Variants in TULP4 observed in about 807,000 individuals in gnomAD.
TULP4 encodes TUB like protein 4, also known as tubby-related protein 4.
A neutral mutation model predicts 129.0 loss-of-function variants in TULP4; 16 were observed. That is an observed-to-expected ratio of 0.12 (90% CI 0.08 to 0.19). TULP4 has a LOEUF of 0.19. TULP4 is among the 10% of genes least tolerant of loss of function. TULP4 has a pLI of 1.00. For missense variants in TULP4, 1,842 were observed against 2,059.1 expected (o/e 0.89, Z 2.04); for synonymous variants, 998 against 854.0 (o/e 1.17, Z -2.94).
At chr6:158,347,532 C>G (rs1562529011) in intron 1 of TULP4, among the ~76,000 whole-genome samples, 1 of 152,224 alleles carries the variant, frequency 6.6e-6, no homozygotes, top group Non-Finnish European at 1.5e-5. Flanking sequence ...TACCCTCTGA[C>G]TTGCTTAGCC....
At chr6:158,400,928 G>T (rs74385301) in intron 1 of TULP4, among the ~76,000 whole-genome samples, 8 of 152,250 alleles carry the variant, frequency 5.3e-5, no homozygotes, top group Admixed American at 3.9e-4. Context: ...GCAGAGAACC[G>T]TTGATACAGG....
chr6:158,378,463 G>GTTTTTTTTTTTTTTTTTTTTTT (rs61250704), intron 1 of TULP4, among the ~76,000 whole-genome samples: 1 of 53,642 alleles, frequency 1.9e-5, no homozygotes, highest in Non-Finnish European at 2.9e-5. Context: ...GGGGGAGCCA[G>GTTTTTTTTTTTTTTTTTTTTTT]TTTTTTTTTT....
At chr6:158,433,199 C>G (rs1417869081) in intron 3 of TULP4, among the ~76,000 whole-genome samples, 1 of 152,128 alleles carries the variant, frequency 6.6e-6, no homozygotes, top group African/African-American at 2.4e-5. Flanking sequence ...TACACGCTGT[C>G]CCCACACTCT....
At chr6:158,295,125 G>A (rs1195644676) in intron 1 of TULP4, among the ~76,000 whole-genome samples, 2 of 152,014 alleles carry the variant, frequency 1.3e-5, no homozygotes, top group African/African-American at 4.8e-5. Flanking sequence ...CTTGTTTTGT[G>A]TTCATCTGAC....
chr6:158,253,631 C>T (rs1778186671), intron 1 of TULP4, among the ~76,000 whole-genome samples: 1 of 151,674 alleles, frequency 6.6e-6, no homozygotes, highest in Non-Finnish European at 1.5e-5. Context: ...CCAGTAGTAG[C>T]TTCTATTTGT....
chr6:158,479,368 A>G (rs1473999143), intron 6 of TULP4, among the ~76,000 whole-genome samples: 1 of 152,206 alleles, frequency 6.6e-6, no homozygotes, highest in Non-Finnish European at 1.5e-5. Context: ...CAGGTAAACA[A>G]ACTTTATAAA....
rs779606974 is a variant in TULP4 at position 158,343,975 on chromosome 6, AAAG to A, written c.252+29711_252+29713del. On this transcript the variant is annotated intron_variant, in intron 1 of 13. Coordinates refer to ENST00000367097, the MANE Select transcript of TULP4 (RefSeq NM_020245.5). ...GGCCTGAAGCAACTGAAGATCCACA[AAAG>A]AAGTGAAAATAGCCTTAACTGATGA... Among the ~76,000 whole-genome samples the A allele has an allele frequency of 2.6e-5, 4 of 152,218 alleles. No homozygotes were observed. In the East Asian group the frequency reaches 7.7e-4, roughly 29 times the overall value.
At chr6:158,236,237 T>C (rs1283332260) in intron 1 of TULP4, among the ~76,000 whole-genome samples, 1 of 152,246 alleles carries the variant, frequency 6.6e-6, no homozygotes, top group African/African-American at 2.4e-5. Context: ...AAGTAAAAGA[T>C]TTGACAGCAG....
In TULP4 at chr6:158,502,701, C is replaced by T. The variant is rs200373015; in HGVS notation, c.3038C>T (p.Ala1013Val). Residue 1013 changes from alanine to valine, a missense_variant, in exon 13 of 14, where the codon GCC becomes GTC. Ala to Val is a moderately conservative substitution (Grantham distance 64). Coordinates refer to ENST00000367097, the MANE Select transcript of TULP4 (RefSeq NM_020245.5). The part of the protein sequence containing the change: ...DSPRAPLQPL[A>V]KSKGGPGGVV... Reference sequence around the variant, plus strand: ...CCGCGGGCCCCCCTGCAGCCCCTGGCCAAGTCCAAGGGCGGGCCCGGGGGG... The same window carrying T: ...CCGCGGGCCCCCCTGCAGCCCCTGGTCAAGTCCAAGGGCGGGCCCGGGGGG... 32 of 1,558,724 alleles carry T rather than the reference C, an allele frequency of 2.1e-5. No homozygotes were observed. The highest frequency in any genetic ancestry group is 4.5e-5 in the East Asian group (2 of 44,312).
At position 158,474,625 on chromosome 6, in the gene TULP4, C is replaced by G. The variant is rs114500171; in HGVS notation, c.1027-5126C>G. Among the ~76,000 whole-genome samples the G allele has an allele frequency of 2.6e-3, 397 of 152,304 alleles. 1 individual carries two copies. Among genetic ancestry groups the G allele is most frequent in the African/African-American group, 9.1e-3 (379 of 41,550 alleles). On this transcript the variant is annotated intron_variant, in intron 6 of 13. Coordinates refer to ENST00000367097, the MANE Select transcript of TULP4 (RefSeq NM_020245.5). ...TCTCGCTCAACACTGTTTTTTACTT[C>G]ACGGAATTTCACTACCTCACGTTAT...
chr6:158,367,148 C>G (rs1322166612), intron 1 of TULP4, among the ~76,000 whole-genome samples: 1 of 152,208 alleles, frequency 6.6e-6, no homozygotes, highest in African/African-American at 2.4e-5. Context: ...TCTTTTCTTT[C>G]TCAGTACCCA....
At chr6:158,299,374 A>G (rs547836432) in intron 1 of TULP4, among the ~76,000 whole-genome samples, 8 of 152,320 alleles carry the variant, frequency 5.3e-5, no homozygotes, top group South Asian at 2.1e-4. Flanking sequence ...AATTAACACA[A>G]TCTTCCCAAA....
intron 2 of TULP4, among the ~76,000 whole-genome samples, chr6:158,423,423 G>C (rs1409172073): frequency 6.6e-6 from 1 of 152,154 alleles, no homozygotes; most frequent in Non-Finnish European, 1.5e-5. Flanking sequence ...TTTCAAGATT[G>C]CTAGAAGAGA....
chr6:158,347,456 T>C (rs573449537), intron 1 of TULP4, among the ~76,000 whole-genome samples: 3 of 152,286 alleles, frequency 2.0e-5, no homozygotes, highest in African/African-American at 7.2e-5. Flanking sequence ...CAGGCTTCTC[T>C]TCTGGACTTT....
rs181278695 is a variant in TULP4, at chr6:158,449,693, T to G, written c.724+517T>G. Among the ~76,000 whole-genome samples the G allele has an allele frequency of 2.6e-4, 39 of 152,138 alleles. No individual in the cohort carries two copies. In the East Asian group the frequency reaches 6.6e-3, roughly 26 times the overall value. On this transcript the variant is annotated intron_variant, in intron 4 of 13. Coordinates refer to ENST00000367097, the MANE Select transcript of TULP4 (RefSeq NM_020245.5). ...TGTCCTCTTTATTTCAGGCAGAAGCTCTCCTCCTCCTCAGGTCTAAAAGAC... is the reference window on the plus strand; with the variant it reads ...TGTCCTCTTTATTTCAGGCAGAAGCGCTCCTCCTCCTCAGGTCTAAAAGAC...
chr6:158,302,008 G>T (rs1035922730), intron 1 of TULP4, among the ~76,000 whole-genome samples: 7 of 152,116 alleles, frequency 4.6e-5, no homozygotes, highest in African/African-American at 1.7e-4. Context: ...AACAGGAGTG[G>T]TCTGTTGAAT....
chr6:158,302,706 T>G (rs981114192), intron 1 of TULP4, among the ~76,000 whole-genome samples: 1 of 152,170 alleles, frequency 6.6e-6, no homozygotes, highest in African/African-American at 2.4e-5. Context: ...TGAAGAGGTT[T>G]AGTAATTCCT....
chr6:158,311,707 T>C (rs1779358617), upstream of TULP4, among the ~76,000 whole-genome samples: 1 of 152,166 alleles, frequency 6.6e-6, no homozygotes, highest in African/African-American at 2.4e-5. Flanking sequence ...GCGACCATGG[T>C]CTCTGGAGGG....
chr6:158,397,451 C>G (rs1321453363), intron 1 of TULP4, among the ~76,000 whole-genome samples: 1 of 152,190 alleles, frequency 6.6e-6, no homozygotes, highest in African/African-American at 2.4e-5. Flanking sequence ...GCAAGTCTGT[C>G]CAACCTGTGG....
Sources: allele counts gnomAD v4.1 joint callset (sites outside exome capture counted in the v4.1 genomes callset), GRCh38; gene constraint gnomAD v4.1.1; transcripts MANE v1.5; gene names NCBI Gene and HGNC (gene_info 2026-07-23, HGNC 2026-07-21).